The following ACSS3 variants were observed in gnomAD, a reference collection of about 807,000 sequenced individuals.
The protein encoded by ACSS3 is acyl-CoA synthetase short-chain family member 3, mitochondrial.
A neutral mutation model predicts 84.2 loss-of-function variants in ACSS3; 64 were observed. The ratio of observed to expected loss-of-function variants is 0.76; its 90% CI spans 0.62 to 0.94. The LOEUF is 0.94. ACSS3 is among the 40% of genes least tolerant of loss of function. The pLI, the probability that ACSS3 is intolerant of heterozygous loss-of-function variation, is 0.00. For missense variants in ACSS3, 815 were observed against 867.6 expected (o/e 0.94, Z 0.76); for synonymous variants, 317 against 310.1 (o/e 1.02, Z -0.23).
intron 5 of ACSS3, among the ~76,000 whole-genome samples, chr12:81,146,335 A>T (rs1205849554): frequency 6.6e-6 from 1 of 152,178 alleles, no homozygotes; most frequent in East Asian, 1.9e-4. Context: ...TAAAATCTTA[A>T]TATGGGATCC....
rs1565758821 is a variant in ACSS3, at chr12:81,259,219, G to GT, written c.*4298dup. On this transcript the variant is annotated 3_prime_UTR_variant, in exon 16 of 16. Transcript: ENST00000548058. ...CAAAAACTGTAAAAATGGTGGAATGGTAAAATACAAACAGTACTTGGAATT... is the reference window on the plus strand; with the variant it reads ...CAAAAACTGTAAAAATGGTGGAATGGTTAAAATACAAACAGTACTTGGAATT... 1 of 235,770 alleles carries GT rather than the reference G, an allele frequency of 4.2e-6. No individual in the cohort carries two copies. The highest frequency in any genetic ancestry group is 4.9e-5 in the South Asian group (1 of 20,392). 14.6% of individuals were successfully genotyped at this position (235,770 alleles called of 1,614,324 possible).
At chr12:81,254,450 A>G (rs1335060894) in intron 15 of ACSS3, among the ~76,000 whole-genome samples, 1 of 152,224 alleles carries the variant, frequency 6.6e-6, no homozygotes, top group Non-Finnish European at 1.5e-5. Flanking sequence ...GGCTGATTCA[A>G]TCATATGTTT....
At chr12:81,107,815 C>T (rs1267187214) in intron 1 of ACSS3, among the ~76,000 whole-genome samples, 2 of 151,648 alleles carry the variant, frequency 1.3e-5, no homozygotes, top group East Asian at 2.0e-4. Flanking sequence ...GGTGTGGGCT[C>T]CCTGCTTCTT....
intron 2 of ACSS3, among the ~76,000 whole-genome samples, chr12:81,133,756 G>C (rs1007308187): frequency 6.6e-6 from 1 of 151,966 alleles, no homozygotes; most frequent in African/African-American, 2.4e-5. Context: ...CTTATTGTGA[G>C]TATTTTCTCT....
intron 7 of ACSS3, among the ~76,000 whole-genome samples, chr12:81,154,246 G>A (rs1215601063): frequency 1.3e-5 from 2 of 152,126 alleles, no homozygotes; most frequent in Non-Finnish European, 2.9e-5. Context: ...CATATTTTTG[G>A]TTATAAGCAT....
intron 2 of ACSS3, among the ~76,000 whole-genome samples, chr12:81,120,370 A>G (rs1349507295): frequency 1.3e-5 from 2 of 152,204 alleles, no homozygotes; most frequent in Non-Finnish European, 2.9e-5. Context: ...GCTGGTCACA[A>G]TGAACACTTG....
At chr12:81,220,329 A>C (rs1051555423) in intron 11 of ACSS3, among the ~76,000 whole-genome samples, 1 of 152,080 alleles carries the variant, frequency 6.6e-6, no homozygotes, top group Non-Finnish European at 1.5e-5. Flanking sequence ...TTTACAGGTT[A>C]TGTATAGATG....
intron 13 of ACSS3, among the ~76,000 whole-genome samples, chr12:81,250,697 G>T (rs543256792): frequency 6.6e-6 from 1 of 151,954 alleles, no homozygotes; most frequent in African/African-American, 2.4e-5. Flanking sequence ...AGATACCTTG[G>T]CATTTTAGGA....
chr12:81,078,599 C>T (rs942937615), intron 1 of ACSS3, among the ~76,000 whole-genome samples, 168 bp downstream of exon 1: 1 of 152,138 alleles, frequency 6.6e-6, no homozygotes, highest in African/African-American at 2.4e-5. Context: ...AGTCAGTTCT[C>T]TTGCCTTCTG....
chr12:81,107,900 G>C (rs1883211912), intron 1 of ACSS3, among the ~76,000 whole-genome samples: 1 of 151,888 alleles, frequency 6.6e-6, no homozygotes, highest in Non-Finnish European at 1.5e-5. Flanking sequence ...CTGGGAGGCT[G>C]TTCTCCTGGA....
chr12:81,160,003 A>G (rs772270968), intron 7 of ACSS3, among the ~76,000 whole-genome samples: 4 of 152,202 alleles, frequency 2.6e-5, no homozygotes, highest in Non-Finnish European at 5.9e-5. Context: ...TTTCAATTTC[A>G]TGATACAGTA....
At chr12:81,107,538 AT>A (rs1465923181) in intron 1 of ACSS3, among the ~76,000 whole-genome samples, 1 of 113,700 alleles carries the variant, frequency 8.8e-6, no homozygotes, top group Non-Finnish European at 1.8e-5. Context: ...ATATATATAT[AT>A]ATATATATAT....
chr12:81,253,007 A>C (rs2034200083), intron 13 of ACSS3, among the ~76,000 whole-genome samples: 1 of 152,182 alleles, frequency 6.6e-6, no homozygotes, highest in Admixed American at 6.5e-5. Context: ...CTTCATTAAT[A>C]AACTGAGACA....
intron 2 of ACSS3, among the ~76,000 whole-genome samples, chr12:81,121,549 T>G (rs1247791019): frequency 6.6e-6 from 1 of 152,212 alleles, no homozygotes; most frequent in East Asian, 1.9e-4. Flanking sequence ...GGCCTTAATG[T>G]TCTCTTTTTA....
At chr12:81,238,529 T>C (rs542607494) in intron 13 of ACSS3, among the ~76,000 whole-genome samples, 1 of 151,996 alleles carries the variant, frequency 6.6e-6, no homozygotes, top group South Asian at 2.1e-4. Context: ...TTATTAATTG[T>C]TGATCTAATT....
rs201772671 is a variant in ACSS3 at position 81,157,037 on chromosome 12, C to CA, written c.1098+4950dup. Among the ~76,000 whole-genome samples the CA allele has an allele frequency of 1.0e-3, 154 of 149,832 alleles. 1 individual carries two copies. Among genetic ancestry groups the CA allele is most frequent in the African/African-American group, 3.0e-3 (122 of 40,758 alleles). On this transcript the variant is annotated intron_variant, in intron 7 of 15. Coordinates refer to ENST00000548058, the MANE Select transcript of ACSS3 (RefSeq NM_024560.4). ...TATTGCCCTAATAAAAAGTCAACGA[C>CA]AAAAAAAAATACTACAAACTAATGT...
At chr12:81,106,602 G>A (rs1883022993) in intron 1 of ACSS3, among the ~76,000 whole-genome samples, 1 of 152,144 alleles carries the variant, frequency 6.6e-6, no homozygotes, top group Non-Finnish European at 1.5e-5. Context: ...GTTGGGGACT[G>A]CTGATCTAGA....
chr12:81,187,793 G>C (rs574346781), intron 8 of ACSS3, among the ~76,000 whole-genome samples: 1 of 151,982 alleles, frequency 6.6e-6, no homozygotes, highest in South Asian at 2.1e-4. Context: ...TTTAGTTTAG[G>C]AGGAAGTTTT....
At chr12:81,227,991 C>T (rs2033327867) in intron 11 of ACSS3, among the ~76,000 whole-genome samples, 1 of 151,834 alleles carries the variant, frequency 6.6e-6, no homozygotes, top group South Asian at 2.1e-4. Context: ...ACCAGCTAGA[C>T]ATATGATGTC....
Sources: gnomAD v4.1 joint callset for allele counts (sites outside exome capture counted in the v4.1 genomes callset) on GRCh38, gnomAD v4.1.1 for gene constraint, MANE v1.5 for transcripts, NCBI Gene and HGNC (gene_info 2026-07-23, HGNC 2026-07-21) for gene names.